Variants in GPC6 observed in about 807,000 individuals in gnomAD.
GPC6 encodes glypican 6.
A neutral mutation model predicts 55.2 loss-of-function variants in GPC6; 14 were observed. That is an observed-to-expected ratio of 0.25 (90% confidence interval 0.17 to 0.40). The LOEUF (loss-of-function observed/expected upper bound fraction) is 0.40. Ranked by LOEUF, GPC6 falls within the 10% of genes least tolerant of loss-of-function variation. The pLI is 1.00. For missense variants in GPC6, 641 were observed against 708.5 expected (o/e 0.90, Z 1.08); for synonymous variants, 278 against 259.6 (o/e 1.07, Z -0.68).
chr13:93,681,566 TG>T (rs1345647233), intron 2 of GPC6, among the ~76,000 whole-genome samples: 1 of 152,176 alleles, frequency 6.6e-6, no homozygotes, highest in East Asian at 1.9e-4. Context: ...TGCCTGCCAC[TG>T]GGTGGACTAA....
chr13:93,544,957 C>A (rs1202015670), intron 1 of GPC6, among the ~76,000 whole-genome samples: 1 of 152,008 alleles, frequency 6.6e-6, no homozygotes, highest in African/African-American at 2.4e-5. Context: ...TGTTGTATCA[C>A]CTGATGTTTA....
intron 1 of GPC6, among the ~76,000 whole-genome samples, chr13:93,267,493 A>G (rs1420104735): frequency 1.3e-5 from 2 of 152,028 alleles, no homozygotes; most frequent in Non-Finnish European, 2.9e-5. Context: ...ATTACAGCTA[A>G]ATTTTCACTT....
At chr13:93,570,573 G>A (rs1432958552) in intron 2 of GPC6, among the ~76,000 whole-genome samples, 1 of 152,142 alleles carries the variant, frequency 6.6e-6, no homozygotes, top group Non-Finnish European at 1.5e-5. Context: ...TAGGCATCAA[G>A]CACTGTATTA....
chr13:93,920,963 T>C (rs1375058411), intron 3 of GPC6, among the ~76,000 whole-genome samples: 1 of 152,164 alleles, frequency 6.6e-6, no homozygotes, highest in African/African-American at 2.4e-5. Context: ...TAATTATCAA[T>C]AGTTTCCAAT....
chr13:94,040,936 G>A (rs1257132236), intron 4 of GPC6, among the ~76,000 whole-genome samples: 1 of 151,784 alleles, frequency 6.6e-6, no homozygotes, highest in African/African-American at 2.4e-5. Context: ...TTTACATGTG[G>A]AATTGATAGA....
intron 2 of GPC6, among the ~76,000 whole-genome samples, chr13:93,701,477 G>T (rs1399320533): frequency 2.0e-5 from 3 of 151,980 alleles, no homozygotes; most frequent in Non-Finnish European, 4.4e-5. Flanking sequence ...TCTCAGTGTT[G>T]AGGGCTGCTG....
intron 4 of GPC6, among the ~76,000 whole-genome samples, chr13:94,090,872 T>C (rs1467707970): frequency 2.0e-5 from 3 of 152,178 alleles, no homozygotes; most frequent in Non-Finnish European, 2.9e-5. Context: ...CAATATATTG[T>C]AATGTTTGAA....
intron 1 of GPC6, among the ~76,000 whole-genome samples, chr13:93,537,404 A>G (rs1882104194): frequency 6.6e-6 from 1 of 152,202 alleles, no homozygotes; most frequent in African/African-American, 2.4e-5. Flanking sequence ...TTAAATTTAG[A>G]AAGAATTAAT....
intron 4 of GPC6, among the ~76,000 whole-genome samples, chr13:94,213,338 T>C (rs887248631): frequency 5.9e-5 from 9 of 152,186 alleles, no homozygotes; most frequent in African/African-American, 2.2e-4. Context: ...TCGTTCTCAA[T>C]TGGGCAGTTT....
At chr13:93,361,445 A>C (rs975368744) in intron 1 of GPC6, among the ~76,000 whole-genome samples, 1 of 152,104 alleles carries the variant, frequency 6.6e-6, no homozygotes, top group African/African-American at 2.4e-5. Flanking sequence ...GGGCATAAAA[A>C]CTTTCTTATC....
At chr13:93,247,112 A>G (rs2139023225) in intron 1 of GPC6, among the ~76,000 whole-genome samples, 1 of 152,154 alleles carries the variant, frequency 6.6e-6, no homozygotes. Context: ...AAACCATTCT[A>G]GTATCTTTGC....
intron 4 of GPC6, among the ~76,000 whole-genome samples, chr13:94,196,382 T>G (rs1594046785): frequency 6.6e-6 from 1 of 152,314 alleles, no homozygotes; most frequent in South Asian, 2.1e-4. Context: ...GATGTTATAT[T>G]GTAGCTGAAC....
intron 1 of GPC6, among the ~76,000 whole-genome samples, chr13:93,303,013 C>G (rs1034196972): frequency 6.6e-6 from 1 of 152,132 alleles, no homozygotes; most frequent in African/African-American, 2.4e-5. Context: ...AAACAGCCAA[C>G]AAACTTATAA....
At chr13:93,459,468 T>C (rs1458690785) in intron 1 of GPC6, among the ~76,000 whole-genome samples, 1 of 152,228 alleles carries the variant, frequency 6.6e-6, no homozygotes, top group African/African-American at 2.4e-5. Flanking sequence ...TCATCAGTTG[T>C]CATTGAAATA....
At chr13:94,060,551 A>G (rs374651089) in intron 4 of GPC6, among the ~76,000 whole-genome samples, 23 of 152,210 alleles carry the variant, frequency 1.5e-4, no homozygotes, top group African/African-American at 5.5e-4. Context: ...AGAAACCACC[A>G]TACCCTAAAA....
Position 93,254,960 on chromosome 13 carries a change from C to A in GPC6, c.160+27344C>A, listed in dbSNP as rs117933477. On this transcript the variant is annotated intron_variant, in intron 1 of 8. Transcript: ENST00000377047. ...AAAATGAAGGTATTTAAAACCATGG[C>A]ACAAGGGAGCCTTATTTATGGAGCT... 5.7e-3 allele frequency among the ~76,000 whole-genome samples: 873 copies of A among 152,318 alleles called. 6 individuals carry two copies. The highest frequency in any genetic ancestry group is 8.6e-3 in the Non-Finnish European group (588 of 68,028).
intron 1 of GPC6, among the ~76,000 whole-genome samples, chr13:93,366,178 T>C (rs1268136817): frequency 6.6e-6 from 1 of 152,098 alleles, no homozygotes; most frequent in Admixed American, 6.6e-5. Context: ...AATCATTCTT[T>C]AGTAGGGCAT....
chr13:94,237,610 A>C (rs1890918711), intron 4 of GPC6, among the ~76,000 whole-genome samples: 1 of 152,132 alleles, frequency 6.6e-6, no homozygotes, highest in South Asian at 2.1e-4. Flanking sequence ...TTTGCCCTAC[A>C]CAGAGGAACC....
intron 1 of GPC6, among the ~76,000 whole-genome samples, chr13:93,390,224 C>T (rs552657037): frequency 6.6e-6 from 1 of 151,754 alleles, no homozygotes; most frequent in South Asian, 2.1e-4. Context: ...TTCCAAACTG[C>T]CTTGTAGGAT....
Sources: allele counts gnomAD v4.1 joint callset (sites outside exome capture counted in the v4.1 genomes callset), GRCh38; gene constraint gnomAD v4.1.1; transcripts MANE v1.5; gene names NCBI Gene and HGNC (gene_info 2026-07-23, HGNC 2026-07-21).